The following UBASH3B variants were observed in gnomAD, a reference collection of about 807,000 sequenced individuals.
UBASH3B encodes the protein ubiquitin associated and SH3 domain containing B.
In UBASH3B, 37 loss-of-function variants were observed where a neutral mutation model predicts 83.4. The observed-to-expected ratio is 0.44, with a 90% CI of 0.34 to 0.58. The LOEUF is 0.58. UBASH3B is among the 20% of genes least tolerant of loss of function. The pLI, the probability that UBASH3B is intolerant of heterozygous loss-of-function variation, is 0.01. For missense variants in UBASH3B, 657 were observed against 827.2 expected (o/e 0.79, Z 2.52); for synonymous variants, 304 against 318.3 (o/e 0.96, Z 0.48).
intron 11 of UBASH3B, among the ~76,000 whole-genome samples, chr11:122,803,790 G>A (rs1472738301): frequency 6.6e-6 from 1 of 152,090 alleles, no homozygotes; most frequent in African/African-American, 2.4e-5. Context: ...GAGTATATGG[G>A]GGAGGATACA....
chr11:122,796,903 T>C lies in UBASH3B; in HGVS notation c.1235-8T>C, dbSNP rs1401760063. ...ATGTATCCTCTGTCTAACCTCTTTG[T>C]TTTTCAGGCCGCTACATACGCACCA... On this transcript the variant is annotated splice_polypyrimidine_tract_variant and splice_region_variant and intron_variant, in intron 8 of 13. Coordinates refer to ENST00000284273, the MANE Select transcript of UBASH3B (RefSeq NM_032873.5). 2 of 1,614,018 alleles carry C rather than the reference T, an allele frequency of 1.2e-6. No homozygotes were observed. The highest frequency in any genetic ancestry group is 8.5e-7 in the Non-Finnish European group (1 of 1,180,022).
At position 122,791,185 on chromosome 11, in the gene UBASH3B, A is replaced by C. The variant is rs988659616; in HGVS notation, c.980+1877A>C. ...ATTAAACTAACAGCTTCCACAGCCA[A>C]CCCTGCTCAAAGTAGGTAAATAAGT... On this transcript the variant is annotated intron_variant, in intron 6 of 13. Coordinates refer to ENST00000284273, the MANE Select transcript of UBASH3B (RefSeq NM_032873.5). Among the ~76,000 whole-genome samples, 5 of 152,206 alleles carry C rather than the reference A, an allele frequency of 3.3e-5. No homozygotes were observed. The East Asian group carries it at 5.8e-4, about 18-fold the overall frequency.
At chr11:122,722,597 G>C (rs917917648) in intron 1 of UBASH3B, among the ~76,000 whole-genome samples, 1 of 152,098 alleles carries the variant, frequency 6.6e-6, no homozygotes, top group Non-Finnish European at 1.5e-5. Flanking sequence ...TAGAAAATTG[G>C]GCTTCTTTTC....
chr11:122,777,785 A>AGT (rs1860764812), intron 3 of UBASH3B, among the ~76,000 whole-genome samples: 1 of 152,168 alleles, frequency 6.6e-6, no homozygotes, highest in Non-Finnish European at 1.5e-5. Context: ...GCTGGAGTGC[A>AGT]GCAGCATGAT....
rs1186947657 is a variant in UBASH3B, at chr11:122,780,481, C to A, written c.601+786C>A. Among the ~76,000 whole-genome samples the A allele has an allele frequency of 2.0e-5, 3 of 152,314 alleles. No individual in the cohort carries two copies. In the East Asian group the frequency reaches 5.8e-4, roughly 29 times the overall value. ...GACAGACAATCTGGTGGGGGGAGAG[C>A]CTCTTGGCTCGCTCCAGCATGAAAT... On this transcript the variant is annotated intron_variant, in intron 4 of 13. Coordinates refer to ENST00000284273, the MANE Select transcript of UBASH3B (RefSeq NM_032873.5).
chr11:122,789,748 A>G (rs1027983062), intron 6 of UBASH3B, among the ~76,000 whole-genome samples: 1 of 152,274 alleles, frequency 6.6e-6, no homozygotes, highest in Middle Eastern at 3.4e-3. Context: ...CCCTAACTGT[A>G]TCCTTGATTT....
intron 7 of UBASH3B, among the ~76,000 whole-genome samples, chr11:122,795,669 C>T (rs774989885): frequency 8.5e-5 from 13 of 152,220 alleles, no homozygotes; most frequent in Admixed American, 2.6e-4. Flanking sequence ...AACAGGGTCT[C>T]ATTACTGGAG....
intron 1 of UBASH3B, among the ~76,000 whole-genome samples, chr11:122,693,933 C>T (rs990300689): frequency 2.6e-5 from 4 of 152,128 alleles, no homozygotes; most frequent in African/African-American, 9.7e-5. Flanking sequence ...TTCATTCAGT[C>T]ATTCACCCAG....
intron 1 of UBASH3B, among the ~76,000 whole-genome samples, chr11:122,757,967 A>C (rs1030185795): frequency 5.9e-5 from 9 of 151,786 alleles, no homozygotes; most frequent in Admixed American, 1.3e-4. Flanking sequence ...CGGCCTCCCA[A>C]AGTGCTGGGA....
chr11:122,751,004 G>A (rs752323499), intron 1 of UBASH3B, among the ~76,000 whole-genome samples: 2 of 152,180 alleles, frequency 1.3e-5, no homozygotes, highest in Non-Finnish European at 2.9e-5. Flanking sequence ...AGAGTTGAGC[G>A]AACATCAGCA....
At chr11:122,702,212 G>A (rs901760997) in intron 1 of UBASH3B, among the ~76,000 whole-genome samples, 7 of 152,166 alleles carry the variant, frequency 4.6e-5, no homozygotes, top group Non-Finnish European at 8.8e-5. Flanking sequence ...TAGGAAAACC[G>A]AATTATTTGC....
intron 1 of UBASH3B, among the ~76,000 whole-genome samples, chr11:122,773,430 C>T (rs1029134142): frequency 2.0e-5 from 3 of 152,226 alleles, no homozygotes; most frequent in African/African-American, 7.2e-5. Context: ...GTGCAGCCTC[C>T]TGCCTGGAGA....
chr11:122,677,930 C>A (rs1413951952), intron 1 of UBASH3B, among the ~76,000 whole-genome samples: 2 of 152,184 alleles, frequency 1.3e-5, no homozygotes, highest in South Asian at 2.1e-4. Context: ...CACCACCACA[C>A]CCAGCTCCCA....
intron 10 of UBASH3B, among the ~76,000 whole-genome samples, chr11:122,800,383 C>CAAAAA (rs540359065): frequency 6.5e-5 from 5 of 76,666 alleles, no homozygotes; most frequent in Non-Finnish European, 1.1e-4. Flanking sequence ...ACTAAAAATA[C>CAAAAA]AAAAAAAAAA....
chr11:122,751,385 C>G (rs964328049), intron 1 of UBASH3B, among the ~76,000 whole-genome samples: 4 of 152,216 alleles, frequency 2.6e-5, no homozygotes, highest in African/African-American at 9.6e-5. Flanking sequence ...CACTCCTTCT[C>G]TGCCCTCCCA....
intron 1 of UBASH3B, among the ~76,000 whole-genome samples, chr11:122,753,182 G>A (rs1861226911): frequency 6.6e-6 from 1 of 151,148 alleles, no homozygotes; most frequent in East Asian, 2.0e-4. Context: ...TGTGGCTCGC[G>A]CCTGTAACCC....
In UBASH3B at chr11:122,813,200, G is replaced by A. The variant is rs1861479453; in HGVS notation, c.*3314G>A. On this transcript the variant is annotated 3_prime_UTR_variant, in exon 14 of 14. Coordinates refer to ENST00000284273, the MANE Select transcript of UBASH3B (RefSeq NM_032873.5). ...GTGGTATTTGGAATGCATATAGATT[G>A]TCTTGTCATTGTGCTTAACATTACC... 1 of 152,198 alleles carries A rather than the reference G, an allele frequency of 6.6e-6. No individual in the cohort carries two copies. Among genetic ancestry groups the A allele is most frequent in the Non-Finnish European group, 1.5e-5 (1 of 68,042 alleles). 9.4% of individuals were successfully genotyped at this position (152,198 alleles called of 1,614,324 possible).
chr11:122,774,242 T>C (rs1860695771), intron 1 of UBASH3B: 1 of 985,410 alleles, frequency 1.0e-6, no homozygotes, highest in South Asian at 4.7e-5. Flanking sequence ...TCTGTCTTGC[T>C]TCTCCGTAAC....
At chr11:122,692,191 G>A (rs12417949) in intron 1 of UBASH3B, among the ~76,000 whole-genome samples, 37,770 of 151,950 alleles carry the variant, frequency 0.25, 5,511 homozygotes, top group Non-Finnish European at 0.33. Context: ...AGAGTGCCTG[G>A]CAGATAGTAG....
Sources: gnomAD v4.1 joint callset for allele counts (sites outside exome capture counted in the v4.1 genomes callset) on GRCh38, gnomAD v4.1.1 for gene constraint, MANE v1.5 for transcripts, NCBI Gene and HGNC (gene_info 2026-07-23, HGNC 2026-07-21) for gene names.